CDK19: variants seen among roughly 807,000 people sequenced by gnomAD.
CDK19 encodes cyclin-dependent kinase 19.
CDK19 carries 20 observed loss-of-function variants against 68.3 expected under a neutral mutation model. The observed-to-expected ratio is 0.29, with a 90% CI of 0.21 to 0.43. The LOEUF is 0.43. Among genes scored for constraint, CDK19 ranks in the 20% least tolerant of loss-of-function variants. The pLI is 1.00. For synonymous variants in CDK19, 221 were observed against 222.8 expected, an observed-to-expected ratio of 0.99 and a Z score of 0.07; for missense variants, 339 against 623.5, an observed-to-expected ratio of 0.54 and a Z score of 4.86.
At chr6:110,707,949 G>A (rs1774647588) in intron 2 of CDK19, among the ~76,000 whole-genome samples, 1 of 152,156 alleles carries the variant, frequency 6.6e-6, no homozygotes, top group Non-Finnish European at 1.5e-5. Context: ...TCCAGCCTGG[G>A]CGACACGGTG....
At position 110,613,346 on chromosome 6, in the gene CDK19, C is replaced by T. The variant is rs188649494; in HGVS notation, c.*1189G>A. 1 of 152,714 alleles carries T rather than the reference C, an allele frequency of 6.5e-6. No individual in the cohort carries two copies. The highest frequency in any genetic ancestry group is 2.4e-5 in the African/African-American group (1 of 41,558). 9.5% of individuals were successfully genotyped at this position (152,714 alleles called of 1,614,324 possible). A position where few individuals can be genotyped will look rare whatever the true frequency, so the allele number is the denominator to read the frequency against. On this transcript the variant is annotated 3_prime_UTR_variant, in exon 13 of 13. Coordinates refer to ENST00000368911, the MANE Select transcript of CDK19 (RefSeq NM_015076.5). ...AAAGATTCTTGATAGAATTAAGTTT[C>T]AGTAACAACAGCAAAATTATGCATA... is the stretch of plus-strand genomic sequence containing the variant.
At position 110,628,834 on chromosome 6, in the gene CDK19, T is replaced by C. The variant is rs1562135982; in HGVS notation, c.647-1689A>G. Among the ~76,000 whole-genome samples, 3 of 152,180 alleles carry C rather than the reference T, an allele frequency of 2.0e-5. No homozygotes were observed. In the South Asian group the frequency reaches 6.2e-4, roughly 32 times the overall value. Reference sequence around the variant, plus strand: ...TTTAGCCTTCTGGATAATGGAAACATATTCCTTTGACGACCATTTTTTAAT... The same window carrying C: ...TTTAGCCTTCTGGATAATGGAAACACATTCCTTTGACGACCATTTTTTAAT... On this transcript the variant is annotated intron_variant, in intron 6 of 12. Transcript: ENST00000368911.
At chr6:110,700,871 G>A (rs931021423) in intron 2 of CDK19, 5 of 173,176 alleles carry the variant, frequency 2.9e-5, no homozygotes, top group East Asian at 1.5e-4. Flanking sequence ...GCCAGGAATC[G>A]ATTCTGAAGT....
chr6:110,666,943 C>T (rs1781980106), intron 4 of CDK19, among the ~76,000 whole-genome samples: 1 of 152,044 alleles, frequency 6.6e-6, no homozygotes, highest in Admixed American at 6.5e-5. Context: ...TAACTTGCAG[C>T]TAATTTGCCT....
intron 4 of CDK19, among the ~76,000 whole-genome samples, chr6:110,649,082 G>A (rs963279996): frequency 3.3e-5 from 5 of 151,188 alleles, no homozygotes; most frequent in South Asian, 4.2e-4. Context: ...AAGAAGATTC[G>A]ATACAGTAAA....
At chr6:110,699,846 T>C (rs997588772) in intron 2 of CDK19, among the ~76,000 whole-genome samples, 2 of 152,198 alleles carry the variant, frequency 1.3e-5, no homozygotes, top group South Asian at 4.1e-4. Context: ...TTGGAAATCA[T>C]CAAGTCATAA....
intron 2 of CDK19, among the ~76,000 whole-genome samples, chr6:110,686,291 C>A (rs1772475875): frequency 6.6e-6 from 1 of 152,126 alleles, no homozygotes; most frequent in Non-Finnish European, 1.5e-5. Flanking sequence ...AGAAAAGATG[C>A]TCCTTAGGAA....
At chr6:110,638,936 T>C (rs1212909529) in intron 4 of CDK19, among the ~76,000 whole-genome samples, 2 of 152,182 alleles carry the variant, frequency 1.3e-5, no homozygotes, top group African/African-American at 4.8e-5. Flanking sequence ...AATTATATCA[T>C]ACAAATAATT....
chr6:110,750,814 G>C (rs932272359), intron 1 of CDK19, among the ~76,000 whole-genome samples: 1 of 152,058 alleles, frequency 6.6e-6, no homozygotes, highest in African/African-American at 2.4e-5. Flanking sequence ...GGGAGGAAGG[G>C]AAGGAAACAG....
At chr6:110,784,521 T>G (rs115739101) in intron 1 of CDK19, among the ~76,000 whole-genome samples, 1 of 152,158 alleles carries the variant, frequency 6.6e-6, no homozygotes, top group Non-Finnish European at 1.5e-5. Context: ...GAAACCCTCA[T>G]ACATTTCAGG....
chr6:110,647,394 G>C (rs1230372255), intron 4 of CDK19, among the ~76,000 whole-genome samples: 3 of 151,942 alleles, frequency 2.0e-5, no homozygotes, highest in East Asian at 1.9e-4. Context: ...AGGGGGGTGG[G>C]GGGGAGGGAA....
At chr6:110,677,318 C>T (rs1179418150) in intron 2 of CDK19, among the ~76,000 whole-genome samples, 1 of 151,578 alleles carries the variant, frequency 6.6e-6, no homozygotes, top group Middle Eastern at 3.2e-3. Flanking sequence ...AATCCCAGCA[C>T]TTTGGGAGGC....
intron 1 of CDK19, among the ~76,000 whole-genome samples, chr6:110,794,982 G>C (rs181081874): frequency 8.7e-4 from 133 of 152,218 alleles, no homozygotes; most frequent in African/African-American, 3.1e-3. Flanking sequence ...GTCTTGTTTT[G>C]TTTTGGTGAC....
At position 110,809,456 on chromosome 6, in the gene CDK19, C is replaced by A. The variant is rs186683385; in HGVS notation, c.128+5553G>T. Among the ~76,000 whole-genome samples the A allele has an allele frequency of 8.6e-4, 131 of 152,110 alleles. 1 individual carries two copies. In the East Asian group the frequency reaches 0.022, roughly 26 times the overall value. On this transcript the variant is annotated intron_variant, in intron 1 of 12. Transcript: ENST00000368911. ...ATCACTTGAGCCCAGGAGTTCAAGG[C>A]TACAGTCAGCTACGACTGCACGACA... is the stretch of plus-strand genomic sequence containing the variant.
At chr6:110,642,085 G>A (rs559611614) in intron 4 of CDK19, among the ~76,000 whole-genome samples, 8 of 152,100 alleles carry the variant, frequency 5.3e-5, no homozygotes, top group Admixed American at 3.9e-4. Flanking sequence ...GGTGGATCAC[G>A]AGGTCAGGAG....
At chr6:110,812,352 G>A (rs1337593794) in intron 1 of CDK19, among the ~76,000 whole-genome samples, 5 of 152,028 alleles carry the variant, frequency 3.3e-5, no homozygotes, top group Non-Finnish European at 7.4e-5. Context: ...TCGATCTCCT[G>A]ACCTCGTGAT....
intron 1 of CDK19, 84 bp downstream of exon 1, chr6:110,814,925 A>G (rs1783496416): frequency 6.4e-7 from 1 of 1,567,702 alleles, no homozygotes; most frequent in African/African-American, 1.4e-5. Context: ...GCACGGCCCG[A>G]CTGGGATCCG....
At chr6:110,742,404 C>T (rs1331392935) in intron 2 of CDK19, among the ~76,000 whole-genome samples, 1 of 152,118 alleles carries the variant, frequency 6.6e-6, no homozygotes, top group Non-Finnish European at 1.5e-5. Context: ...GATTGTAAAA[C>T]GTGTGTTTGA....
intron 1 of CDK19, among the ~76,000 whole-genome samples, chr6:110,807,231 A>C (rs1782740587): frequency 6.6e-6 from 1 of 152,074 alleles, no homozygotes; most frequent in Non-Finnish European, 1.5e-5. Flanking sequence ...CTTGAGCCCA[A>C]GAGACAGACT....
Sources: gnomAD v4.1 joint callset for allele counts (sites outside exome capture counted in the v4.1 genomes callset) on GRCh38, gnomAD v4.1.1 for gene constraint, MANE v1.5 for transcripts, NCBI Gene and HGNC (gene_info 2026-07-23, HGNC 2026-07-21) for gene names.